FKBP4: variants seen among roughly 807,000 people sequenced by gnomAD.
FKBP4 encodes the protein FKBP prolyl isomerase 4, also known as peptidyl-prolyl cis-trans isomerase FKBP4.
Under a neutral mutation model 54.1 loss-of-function variants are expected in FKBP4, and 28 were observed. The observed-to-expected ratio is 0.52, with a 90% CI of 0.38 to 0.71. FKBP4 has a LOEUF of 0.71. FKBP4 is among the 30% of genes least tolerant of loss of function. The probability of loss-of-function intolerance (pLI) is 0.00; values close to 1 mark genes in which losing one functional copy is unlikely to be tolerated. For synonymous variants in FKBP4, 223 were observed against 216.1 expected, an observed-to-expected ratio of 1.03 and a Z score of -0.28; for missense variants, 493 against 574.4, an observed-to-expected ratio of 0.86 and a Z score of 1.45.
chr12:2,803,049 C>A, intron 9 of FKBP4, 102 bp from the exon 10 acceptor site: 2 of 846,424 alleles, frequency 2.4e-6, no homozygotes, highest in Non-Finnish European at 3.8e-6. Flanking sequence ...AGCTTTAGGA[C>A]AGATGTAGGA....
chr12:2,797,683 A>G (rs781581210), intron 2 of FKBP4, 46 bp from the exon 3 acceptor site: 2 of 1,571,880 alleles, frequency 1.3e-6, no homozygotes, highest in Non-Finnish European at 1.7e-6. Context: ...TTGAGCCCAG[A>G]ATCAGAACCC....
chr12:2,804,484 T>C lies in FKBP4; in HGVS notation c.*1226T>C, dbSNP rs2097906497. 6.6e-6 allele frequency: 1 copy of C among 152,256 alleles called. No homozygotes were observed. Among genetic ancestry groups the C allele is most frequent in the Non-Finnish European group, 1.5e-5 (1 of 68,058 alleles). 9.4% of individuals were successfully genotyped at this position (152,256 alleles called of 1,614,324 possible). On this transcript the variant is annotated 3_prime_UTR_variant, in exon 10 of 10. Transcript: ENST00000001008. Reference sequence around the variant, plus strand: ...AGCCTTAACAGGAAAAGGCTTGTGCTTTTTTTCTAACTATGCTTTGACCCT... The same window carrying C: ...AGCCTTAACAGGAAAAGGCTTGTGCCTTTTTTCTAACTATGCTTTGACCCT...
intron 2 of FKBP4, 128 bp from the exon 3 acceptor site, chr12:2,797,601 C>T (rs1158493037): frequency 2.6e-6 from 3 of 1,163,912 alleles, no homozygotes; most frequent in Admixed American, 2.5e-5. Flanking sequence ...GGTACCTCAC[C>T]TTCTGGTCCC....
chr12:2,797,162 A>T lies in FKBP4; in HGVS notation c.130A>T (p.Thr44Ser), dbSNP rs1981656. 6.2e-7 allele frequency: 1 copy of T among 1,613,080 alleles called. No homozygotes were observed. The highest frequency in any genetic ancestry group is 8.5e-7 in the Non-Finnish European group (1 of 1,179,858). The change falls in exon 2 of 10, where the codon ACA (threonine) becomes TCA (serine). Residue 44 changes from threonine (T) to serine (S), a missense_variant. Coordinates refer to ENST00000001008, the MANE Select transcript of FKBP4 (RefSeq NM_002014.4). ...LKVIKREGTG[T>S]EMPMIGDRVF... ...GGTCATCAAGAGAGAGGGCACAGGT[A>T]CAGAGATGCCCATGATTGGGGACCG...
chr12:2,798,898 C>A lies in FKBP4; in HGVS notation c.514+72C>A. 1 of 1,536,370 alleles carries A rather than the reference C, an allele frequency of 6.5e-7. No homozygotes were observed. The highest frequency in any genetic ancestry group is 9.0e-7 in the Non-Finnish European group (1 of 1,114,398). ...GCCTTGTGTGGCTTTGGGCAAGACA[C>A]TTCCGTTCTCCGAGCCTATCTTCTT... On this transcript the variant is annotated intron_variant, in intron 4 of 9. Coordinates refer to ENST00000001008, the MANE Select transcript of FKBP4 (RefSeq NM_002014.4). This position sits in a 1 kb window ranked among gnomAD's most constrained non-coding sequence, Gnocchi z 4.3.
Position 2,799,100 on chromosome 12 carries a change from G to A in FKBP4, c.527G>A (p.Gly176Glu), listed in dbSNP as rs1295086708. ...EGAIVEVALE[G>E]YYKDKLFDQR... is the part of the protein sequence containing the mutation. ...TCTTTCATGCCAGTTGCACTGGAAG[G>A]GTACTACAAGGACAAGCTCTTTGAC... Residue 176 changes from glycine to glutamate, a missense_variant, in exon 5 of 10, where the codon GGG becomes GAG. Coordinates refer to ENST00000001008, the MANE Select transcript of FKBP4 (RefSeq NM_002014.4). The A allele has an allele frequency of 1.3e-6, 2 of 1,540,718 alleles. No individual in the cohort carries two copies. Among genetic ancestry groups the A allele is most frequent in the Non-Finnish European group, 1.7e-6 (2 of 1,147,282 alleles).
In FKBP4 at chr12:2,799,179, T is replaced by C. The variant is rs776764262; in HGVS notation, c.606T>C (p.Tyr202=). The change falls in exon 5 of 10, where the codon TAT becomes TAC. Residue 202 remains tyrosine, a synonymous_variant. Coordinates refer to ENST00000001008, the MANE Select transcript of FKBP4 (RefSeq NM_002014.4). The stretch of plus-strand genomic sequence containing the variant: ...AGGGGGAGAACCTGGATCTGCCTTA[T>C]GGTCTGGAGAGGGCCATTCAGCGCA... ...IGEGENLDLP[Y]GLERAIQRME... The C allele has an allele frequency of 4.4e-6, 7 of 1,594,346 alleles. No individual in the cohort carries two copies. The highest frequency in any genetic ancestry group is 2.7e-5 in the African/African-American group (2 of 73,918).
intron 1 of FKBP4, chr12:2,796,585 G>A (rs2097901984): frequency 2.5e-6 from 3 of 1,179,422 alleles, no homozygotes; most frequent in Non-Finnish European, 3.2e-6. Flanking sequence ...AGGTCCCATG[G>A]AGAGCCTCCG....
chr12:2,801,060 C>T (rs1185354747), intron 8 of FKBP4, 57 bp from the exon 9 acceptor site: 3 of 1,604,870 alleles, frequency 1.9e-6, no homozygotes, highest in Admixed American at 3.4e-5. Context: ...CAGTCTAGGC[C>T]AGATGAGCTA....
chr12:2,801,610 CA>C, intron 9 of FKBP4: 1 of 575,082 alleles, frequency 1.7e-6, no homozygotes. Context: ...TCTTGTGGGC[CA>C]GGCGCCGTGG....
At position 2,800,102 on chromosome 12, in the gene FKBP4, C is replaced by A; in HGVS notation, c.826C>A (p.Arg276=). 6.2e-7 allele frequency: 1 copy of A among 1,613,414 alleles called. No homozygotes were observed. Among genetic ancestry groups the A allele is most frequent in the Non-Finnish European group, 8.5e-7 (1 of 1,179,962 alleles). Residue 276 remains arginine, a synonymous_variant, in exon 7 of 10, where the codon CGG becomes AGG. Transcript: ENST00000001008. Reference sequence around the variant, plus strand: ...GGAACAGAGCACCATAGTGAAAGAGCGGGGCACTGTGTACTTCAAGGTGAG... The same window carrying A: ...GGAACAGAGCACCATAGTGAAAGAGAGGGGCACTGTGTACTTCAAGGTGAG... ...KLEQSTIVKE[R]GTVYFKEGKY...
In FKBP4 at chr12:2,798,607, G is replaced by A. The variant is rs529905941; in HGVS notation, c.394-99G>A. 415 of 1,584,356 alleles carry A rather than the reference G, an allele frequency of 2.6e-4. 2 individuals carry two copies. In the African/African-American group the frequency reaches 4.7e-3, roughly 18 times the overall value. On this transcript the variant is annotated intron_variant, in intron 3 of 9. Transcript: ENST00000001008. The surrounding 1 kb of genome is among the most constrained non-coding windows in gnomAD (Gnocchi z 4.3). ...TGTGACTGCCCTTGTGGTCAGATCC[G>A]GCCTGGCAGTTAGTAGGGACTCTCT...
At position 2,801,247 on chromosome 12, in the gene FKBP4, C is replaced by G; in HGVS notation, c.1163C>G (p.Ala388Gly). The G allele has an allele frequency of 1.2e-6, 2 of 1,613,556 alleles. No individual in the cohort carries two copies. The highest frequency in any genetic ancestry group is 1.7e-6 in the Non-Finnish European group (2 of 1,180,044). Reference sequence around the variant, plus strand: ...CTGCAGCTCTACCCCAACAACAAAGCCGCCAAGACCCAGCTGGCTGTGTGC... The same window carrying G: ...CTGCAGCTCTACCCCAACAACAAAGGCGCCAAGACCCAGCTGGCTGTGTGC... Reference protein sequence around the residue: ...KVLQLYPNNKAAKTQLAVCQQ... With the variant: ...KVLQLYPNNKGAKTQLAVCQQ... Residue 388 changes from alanine to glycine, a missense_variant, in exon 9 of 10, where the codon GCC (alanine) becomes GGC (glycine). Coordinates refer to ENST00000001008, the MANE Select transcript of FKBP4 (RefSeq NM_002014.4).
Position 2,795,003 on chromosome 12 carries a change from C to T in FKBP4, c.-137C>T. On this transcript the variant is annotated 5_prime_UTR_variant, in exon 1 of 10. Transcript: ENST00000001008. This position sits in a 1 kb window ranked among gnomAD's most constrained non-coding sequence, Gnocchi z 4.3. Reference sequence around the variant, plus strand: ...AGCTCTCGCGCCGCGTGCAGAGGTGCTCAAGCCTCCTCGCGGTCCGCAGTC... The same window carrying T: ...AGCTCTCGCGCCGCGTGCAGAGGTGTTCAAGCCTCCTCGCGGTCCGCAGTC... 7.7e-6 allele frequency: 3 copies of T among 387,568 alleles called. No homozygotes were observed. The highest frequency in any genetic ancestry group is 2.1e-5 in the African/African-American group (1 of 47,116). The allele number at this position is 387,568 out of a possible 1,614,324, so 24.0% of individuals were successfully genotyped here. A position where few individuals can be genotyped will look rare whatever the true frequency, so the allele number is the denominator to read the frequency against.
At position 2,794,981 on chromosome 12, in the gene FKBP4, T is replaced by C. The variant is rs2097900748; in HGVS notation, c.-159T>C. On this transcript the variant is annotated 5_prime_UTR_variant, in exon 1 of 10. Coordinates refer to ENST00000001008, the MANE Select transcript of FKBP4 (RefSeq NM_002014.4). ...CCGCTCCTGACCCACCTACCCCAGC[T>C]CTCGCGCCGCGTGCAGAGGTGCTCA... The C allele has an allele frequency of 3.0e-6, 1 of 338,872 alleles. No individual in the cohort carries two copies. The highest frequency in any genetic ancestry group is 2.2e-5 in the African/African-American group (1 of 45,918). 21.0% of individuals were successfully genotyped at this position (338,872 alleles called of 1,614,324 possible).
At position 2,803,133 on chromosome 12, in the gene FKBP4, T is replaced by C. The variant is rs369292631; in HGVS notation, c.1273-18T>C. 20 of 1,569,020 alleles carry C rather than the reference T, an allele frequency of 1.3e-5. No individual in the cohort carries two copies. Among genetic ancestry groups the C allele is most frequent in the Non-Finnish European group, 1.7e-5 (20 of 1,149,800 alleles). On this transcript the variant is annotated intron_variant, in intron 9 of 9. Transcript: ENST00000001008. ...TCACTTGGGAAGTCAGCCCGTTTGC[T>C]GTTCATCTTCCTTGCAGGCCAAGGC...
At chr12:2,803,035 G>A (rs1170132443) in intron 9 of FKBP4, 116 bp from the exon 10 acceptor site, 2 of 764,780 alleles carry the variant, frequency 2.6e-6, no homozygotes, top group Non-Finnish European at 4.4e-6. Flanking sequence ...GCCTATACAG[G>A]TATAGCTTTA....
In FKBP4 at chr12:2,796,485, G is replaced by A. The variant is rs567533217; in HGVS notation, c.106-653G>A. On this transcript the variant is annotated intron_variant, in intron 1 of 9. Transcript: ENST00000001008. ...TGGAGGGTAACCACACACCTACCAG[G>A]TGGCGCTAAAGAAGCCTTTACGTTT... 4.2e-5 allele frequency: 51 copies of A among 1,210,750 alleles called. No homozygotes were observed. The African/African-American group carries it at 7.9e-4, about 19-fold the overall frequency. 75.0% of individuals were successfully genotyped at this position (1,210,750 alleles called of 1,614,324 possible).
rs772523766 is a variant in FKBP4 at position 2,801,280 on chromosome 12, G to A, written c.1196G>A (p.Arg399Gln). The stretch of plus-strand genomic sequence containing the variant: ...ACCCAGCTGGCTGTGTGCCAGCAGC[G>A]GATCCGAAGGCAGCTTGCCCGGGAG... Reference protein sequence around the residue: ...AKTQLAVCQQRIRRQLAREKK... With the variant: ...AKTQLAVCQQQIRRQLAREKK... Residue 399 changes from arginine to glutamine, a missense_variant, in exon 9 of 10, where the codon CGG becomes CAG. By Grantham distance (43) the Arg-to-Gln change is conservative. Transcript: ENST00000001008. 4.3e-5 allele frequency: 69 copies of A among 1,613,860 alleles called. 2 individuals are homozygous for A. In the South Asian group the frequency reaches 5.7e-4, roughly 13 times the overall value.
Sources: allele counts gnomAD v4.1 joint callset, GRCh38; gene constraint gnomAD v4.1.1; non-coding constraint Gnocchi (gnomAD v3.1); transcripts MANE v1.5; gene names NCBI Gene and HGNC (gene_info 2026-07-23, HGNC 2026-07-21).